Variants in LPCAT4 observed in about 807,000 individuals in gnomAD.
LPCAT4 encodes the protein lysophospholipid acyltransferase LPCAT4.
Under a neutral mutation model 66.5 loss-of-function variants are expected in LPCAT4, and 30 were observed. The observed-to-expected ratio is 0.45, with a 90% CI of 0.34 to 0.61. The LOEUF is 0.61. Among genes scored for constraint, LPCAT4 ranks in the 20% least tolerant of loss-of-function variants. LPCAT4 has a pLI of 0.01. For synonymous variants in LPCAT4, 253 were observed against 262.1 expected (o/e 0.97, Z 0.34); for missense variants, 557 against 656.7 (o/e 0.85, Z 1.66).
At position 34,359,577 on chromosome 15, in the gene LPCAT4, G is replaced by A. The variant is rs780091972; in HGVS notation, c.1399+12C>T. ...CAAGTGCCCGTGTGGGGCTGAGAAG[G>A]CAGTGACTCACAGAGGGAGAGGCCT... On this transcript the variant is annotated intron_variant, in intron 13 of 13. Transcript: ENST00000314891. The A allele has an allele frequency of 6.2e-7, 1 of 1,609,922 alleles. No homozygotes were observed. The highest frequency in any genetic ancestry group is 2.2e-5 in the East Asian group (1 of 44,856).
rs766377140 is a variant in LPCAT4 at position 34,367,054 on chromosome 15, G to T, written c.47C>A (p.Pro16His). 6.4e-7 allele frequency: 1 copy of T among 1,560,032 alleles called. No individual in the cohort carries two copies. The highest frequency in any genetic ancestry group is 2.4e-5 in the East Asian group (1 of 42,520). Reference protein sequence around the residue: ...PGDWAPLDPTPGPPASPNPFV... With the variant: ...PGDWAPLDPTHGPPASPNPFV... ...GGGGTTGGGGGATGCTGGGGGTCCGGGGGTGGGATCTAGGGGGGCCCAGTC... is the reference window on the plus strand; with the variant it reads ...GGGGTTGGGGGATGCTGGGGGTCCGTGGGTGGGATCTAGGGGGGCCCAGTC... The change falls in exon 1 of 14, where the codon CCC (proline) becomes CAC (histidine). Residue 16 changes from proline (P) to histidine (H), a missense_variant. By Grantham distance (77) the Pro-to-His change is moderately conservative. Coordinates refer to ENST00000314891, the MANE Select transcript of LPCAT4 (RefSeq NM_153613.3).
Position 34,367,050 on chromosome 15 carries a change from T to A in LPCAT4, c.51A>T (p.Gly17=). 1.8e-6 allele frequency: 1 copy of A among 551,634 alleles called. No homozygotes were observed. Among genetic ancestry groups the A allele is most frequent in the East Asian group, 3.8e-5 (1 of 26,278 alleles). 34.2% of individuals were successfully genotyped at this position (551,634 alleles called of 1,614,324 possible). Residue 17 remains glycine (G), a synonymous_variant, in exon 1 of 14, where the codon GGA becomes GGT. Transcript: ENST00000314891. ...GDWAPLDPTP[G]PPASPNPFVH... is the part of the protein sequence containing the mutation. ...CGAAGGGGTTGGGGGATGCTGGGGG[T>A]CCGGGGGTGGGATCTAGGGGGGCCC...
chr15:34,363,935 T>C lies in LPCAT4; in HGVS notation c.652+78A>G. On this transcript the variant is annotated intron_variant, in intron 5 of 13. Transcript: ENST00000314891. This position sits in a 1 kb window ranked among gnomAD's most constrained non-coding sequence, Gnocchi z 4.3. ...CCCATCCCTCCCCCTCTTCTACTTC[T>C]TGGGTTATTTCAGAGTCCCTCCCCA... 2.7e-6 allele frequency: 4 copies of C among 1,477,566 alleles called. No individual in the cohort carries two copies. Among genetic ancestry groups the C allele is most frequent in the Admixed American group, 1.7e-5 (1 of 57,890 alleles). 91.5% of individuals were successfully genotyped at this position (1,477,566 alleles called of 1,614,324 possible).
chr15:34,363,837 C>T lies in LPCAT4; in HGVS notation c.653-118G>A. The T allele has an allele frequency of 2.2e-6, 3 of 1,383,510 alleles. No individual in the cohort carries two copies. The highest frequency in any genetic ancestry group is 1.2e-5 in the South Asian group (1 of 83,692). 85.7% of individuals were successfully genotyped at this position (1,383,510 alleles called of 1,614,324 possible). Reference sequence around the variant, plus strand: ...TCAAATGAGATATGGTTTTGTTCCACTCATTGATAATTTTCTCTCTGACTC... The same window carrying T: ...TCAAATGAGATATGGTTTTGTTCCATTCATTGATAATTTTCTCTCTGACTC... On this transcript the variant is annotated intron_variant, in intron 5 of 13. Coordinates refer to ENST00000314891, the MANE Select transcript of LPCAT4 (RefSeq NM_153613.3). This position sits in a 1 kb window ranked among gnomAD's most constrained non-coding sequence, Gnocchi z 4.3.
intron 2 of LPCAT4, 70 bp from the exon 3 acceptor site, chr15:34,365,298 C>T: frequency 6.8e-7 from 1 of 1,478,888 alleles, no homozygotes; most frequent in Non-Finnish European, 9.2e-7. Flanking sequence ...GGTTCAGACA[C>T]CGGGAAAGTA....
chr15:34,364,356 G>A (rs761939261), intron 3 of LPCAT4, 50 bp from the exon 4 acceptor site: 22 of 1,176,788 alleles, frequency 1.9e-5, no homozygotes, highest in East Asian at 4.7e-5. Flanking sequence ...CTACCCAGGG[G>A]CAGTAACATC....
In LPCAT4 at chr15:34,361,380, C is replaced by G; in HGVS notation, c.1143+20G>C. ...AGGGAAGCCTGGGTTCTGCTCTGCTCTTTGTTCCAGCTCCTTTACCTGCTG... is the reference window on the plus strand; with the variant it reads ...AGGGAAGCCTGGGTTCTGCTCTGCTGTTTGTTCCAGCTCCTTTACCTGCTG... On this transcript the variant is annotated intron_variant, in intron 11 of 13. Coordinates refer to ENST00000314891, the MANE Select transcript of LPCAT4 (RefSeq NM_153613.3). 2 of 1,614,096 alleles carry G rather than the reference C, an allele frequency of 1.2e-6. No individual in the cohort carries two copies. The highest frequency in any genetic ancestry group is 2.2e-5 in the South Asian group (2 of 91,076).
rs748595332 is a variant in LPCAT4 at position 34,362,770 on chromosome 15, C to A, written c.801+12G>T. On this transcript the variant is annotated intron_variant, in intron 8 of 13. Transcript: ENST00000314891. ...AGATGTACTTCTCCCACCGCCCCCA[C>A]GGGAGCCATACCTCCACATCCACAA... The A allele has an allele frequency of 3.1e-6, 5 of 1,614,006 alleles. No individual in the cohort carries two copies. The East Asian group carries it at 1.1e-4, about 36-fold the overall frequency.
At chr15:34,359,403 G>GT (rs761523342) in intron 13 of LPCAT4, 101 bp from the exon 14 acceptor site, 10 of 1,346,746 alleles carry the variant, frequency 7.4e-6, no homozygotes, top group African/African-American at 1.5e-5. Flanking sequence ...CCTCTACTCT[G>GT]TTTAACTTCT....
chr15:34,365,395 A>G, intron 2 of LPCAT4, 164 bp downstream of exon 2: 1 of 1,157,398 alleles, frequency 8.6e-7, no homozygotes, highest in East Asian at 2.5e-5. Context: ...CACATTACTT[A>G]GAGGTGAGGT....
intron 11 of LPCAT4, chr15:34,361,195 A>C: frequency 1.4e-6 from 2 of 1,438,944 alleles, no homozygotes; most frequent in Non-Finnish European, 1.8e-6. Context: ...GTTCCTCCTC[A>C]TGATGATAAC....
At position 34,364,716 on chromosome 15, in the gene LPCAT4, C is replaced by T. The variant is rs539513687; in HGVS notation, c.478+292G>A. On this transcript the variant is annotated intron_variant, in intron 3 of 13. Coordinates refer to ENST00000314891, the MANE Select transcript of LPCAT4 (RefSeq NM_153613.3). ...TGATCCGCCCGCCTTGGCCTCCCAA[C>T]GTGCTGGGATTATAGGCGCGAGCCA... The T allele has an allele frequency of 1.9e-3, 656 of 348,366 alleles. 4 individuals are homozygous for T. Among genetic ancestry groups the T allele is most frequent in the Non-Finnish European group, 3.7e-4 (72 of 192,110 alleles). The allele number at this position is 348,366 out of a possible 1,614,324, so 21.6% of individuals were successfully genotyped here.
chr15:34,362,134 C>A, intron 10 of LPCAT4, 62 bp downstream of exon 10: 2 of 1,258,298 alleles, frequency 1.6e-6, no homozygotes, highest in Admixed American at 2.2e-5. Context: ...TTCTCCCCTT[C>A]TTATTCTCTC....
intron 10 of LPCAT4, among the ~76,000 whole-genome samples, 164 bp downstream of exon 10, chr15:34,362,032 T>C (rs1219816970): frequency 6.6e-6 from 1 of 152,112 alleles, no homozygotes; most frequent in Non-Finnish European, 1.5e-5. Flanking sequence ...TTATTACATA[T>C]CCTTCCATTT....
chr15:34,360,361 C>T, intron 11 of LPCAT4, 152 bp from the exon 12 acceptor site: 1 of 634,586 alleles, frequency 1.6e-6, no homozygotes, highest in Non-Finnish European at 2.8e-6. Flanking sequence ...CTTTAGGATC[C>T]CTGGAATTTC....
chr15:34,364,580 C>T (rs956658505), intron 3 of LPCAT4: 44 of 225,652 alleles, frequency 1.9e-4, no homozygotes, highest in Non-Finnish European at 3.1e-4. Context: ...TGGGCCACCA[C>T]GCCCGGCTAA....
intron 1 of LPCAT4, 117 bp downstream of exon 1, chr15:34,366,870 G>A: frequency 6.8e-7 from 1 of 1,469,318 alleles, no homozygotes; most frequent in Admixed American, 2.0e-5. Flanking sequence ...CTCCCGCTCC[G>A]CAAGCCTCTC....
Position 34,359,304 on chromosome 15 carries a change from T to C in LPCAT4, c.1400-2A>G. The C allele has an allele frequency of 6.7e-7, 1 of 1,497,016 alleles. No homozygotes were observed. 92.7% of individuals were successfully genotyped at this position (1,497,016 alleles called of 1,614,324 possible). On this transcript the variant is annotated splice_acceptor_variant, in intron 13 of 13. Coordinates refer to ENST00000314891, the MANE Select transcript of LPCAT4 (RefSeq NM_153613.3). LOFTEE classifies it high-confidence loss of function. Reference sequence around the variant, plus strand: ...GGAGGGAGAAGTTCTGGAACTGACCTGGACAAATAAGAGATGGGGAAAAGT... The same window carrying C: ...GGAGGGAGAAGTTCTGGAACTGACCCGGACAAATAAGAGATGGGGAAAAGT...
intron 7 of LPCAT4, 99 bp from the exon 8 acceptor site, chr15:34,362,935 G>A: frequency 8.1e-7 from 1 of 1,238,780 alleles, no homozygotes; most frequent in Non-Finnish European, 1.2e-6. Flanking sequence ...GGTGGGGAGT[G>A]GGAAAAGTTC....
Sources: gnomAD v4.1 joint callset for allele counts (sites outside exome capture counted in the v4.1 genomes callset) on GRCh38, gnomAD v4.1.1 for gene constraint, Gnocchi (gnomAD v3.1) non-coding constraint, MANE v1.5 for transcripts, NCBI Gene and HGNC (gene_info 2026-07-23, HGNC 2026-07-21) for gene names.